Variants in POR observed in about 807,000 individuals in gnomAD.
The protein encoded by POR is cytochrome p450 oxidoreductase, also known as NADPH--cytochrome P450 reductase.
A neutral mutation model predicts 84.0 loss-of-function variants in POR; 56 were observed. The ratio of observed to expected loss-of-function variants is 0.67; its 90% CI spans 0.54 to 0.83. The LOEUF is 0.83. Among genes scored for constraint, POR ranks in the 40% least tolerant of loss-of-function variants. The probability of loss-of-function intolerance (pLI) is 0.00; values close to 1 mark genes in which losing one functional copy is unlikely to be tolerated. For synonymous variants in POR, 414 were observed against 400.5 expected, an observed-to-expected ratio of 1.03 and a Z score of -0.40; for missense variants, 938 against 944.3, an observed-to-expected ratio of 0.99 and a Z score of 0.09.
At position 75,935,537 on chromosome 7, in the gene POR, C is replaced by T. The variant is rs936737783; in HGVS notation, c.-4-18452C>T. ...CTGGGATTATAGGCTTGAGCCACTG[C>T]GCCTGGCTGGAGGGACCGGTTTTTT... On this transcript the variant is annotated intron_variant, in intron 1 of 15. Transcript: ENST00000461988. 1.8e-4 allele frequency among the ~76,000 whole-genome samples: 28 copies of T among 151,574 alleles called. 1 individual carries two copies. The highest frequency in any genetic ancestry group is 1.8e-3 in the East Asian group (9 of 5,082).
At chr7:75,983,702 C>G (rs782722775) in intron 9 of POR, 36 bp from the exon 10 acceptor site, 30 of 1,606,326 alleles carry the variant, frequency 1.9e-5, no homozygotes, top group Middle Eastern at 1.6e-4. Flanking sequence ...GCAGGGCCAG[C>G]CTTCCGCCCC....
intron 3 of POR, among the ~76,000 whole-genome samples, chr7:75,974,880 G>T (rs1435636438): frequency 2.0e-4 from 30 of 151,946 alleles, no homozygotes; most frequent in Admixed American, 1.8e-3. Context: ...CTGCTTTTCT[G>T]TTGGGATTGA....
chr7:75,923,248 T>A, intron 1 of POR: 2 of 1,166,462 alleles, frequency 1.7e-6, no homozygotes, highest in Admixed American at 3.4e-5. Context: ...AAGCTTGGTG[T>A]CTTTTGCTTG....
chr7:75,961,638 C>T (rs1787945901), intron 2 of POR, among the ~76,000 whole-genome samples: 1 of 152,224 alleles, frequency 6.6e-6, no homozygotes, highest in Non-Finnish European at 1.5e-5. Flanking sequence ...TTCCGCTGCC[C>T]CCCACCGCCG....
Position 75,986,741 on chromosome 7 carries a change from A to C in POR, c.*260A>C, listed in dbSNP as rs1283769308. ...GAGGCCTCTGGCCCTCGGTGGCTGC[A>C]CAGAAGGGCTCTTTCTCTCTGCTGA... On this transcript the variant is annotated 3_prime_UTR_variant, in exon 16 of 16. Transcript: ENST00000461988. 1.9e-5 allele frequency: 11 copies of C among 591,630 alleles called. No homozygotes were observed. The highest frequency in any genetic ancestry group is 3.0e-5 in the Non-Finnish European group (10 of 333,804). 36.6% of individuals were successfully genotyped at this position (591,630 alleles called of 1,614,324 possible). A position where few individuals can be genotyped will look rare whatever the true frequency, so the allele number is the denominator to read the frequency against.
chr7:75,918,356 A>T lies in POR; in HGVS notation c.-5+3177A>T, dbSNP rs146157636. Among the ~76,000 whole-genome samples the T allele has an allele frequency of 1.7e-4, 26 of 152,224 alleles. No homozygotes were observed. The East Asian group carries it at 3.1e-3, about 18-fold the overall frequency. ...ACTTGTTTTGCTGTGCAGTTTTGTCATCTGGCATTGGGCAGAAATTTGGAC... is the reference window on the plus strand; with the variant it reads ...ACTTGTTTTGCTGTGCAGTTTTGTCTTCTGGCATTGGGCAGAAATTTGGAC... On this transcript the variant is annotated intron_variant, in intron 1 of 15. Coordinates refer to ENST00000461988, the MANE Select transcript of POR (RefSeq NM_000941.3).
chr7:75,980,905 T>C, intron 5 of POR, 143 bp from the exon 6 acceptor site: 1 of 1,150,762 alleles, frequency 8.7e-7, no homozygotes, highest in Non-Finnish European at 1.2e-6. Flanking sequence ...TTCCTTGCAG[T>C]GCGAGGCGCC....
rs367911219 is a variant in POR, at chr7:75,940,284, G to A, written c.-4-13705G>A. On this transcript the variant is annotated intron_variant, in intron 1 of 15. Transcript: ENST00000461988. ...GTATTTTTAGTAGAGATGGGGTTTC[G>A]CCATGTTGGCCAGGCTGGTCTCAAA... Among the ~76,000 whole-genome samples the A allele has an allele frequency of 8.3e-5, 12 of 145,270 alleles. No individual in the cohort carries two copies. In the South Asian group the frequency reaches 1.1e-3, roughly 13 times the overall value.
rs200575911 is a variant in POR, at chr7:75,933,376, GTTTTTTTTTTTTTTT to G, written c.-5+18213_-5+18227del. Among the ~76,000 whole-genome samples, 647 of 92,104 alleles carry G rather than the reference GTTTTTTTTTTTTTTT, an allele frequency of 7.0e-3. 6 individuals are homozygous for G. Among genetic ancestry groups the G allele is most frequent in the African/African-American group, 0.017 (531 of 30,886 alleles). The allele number at this position is 92,104 out of a possible 152,430, so 60.4% of individuals were successfully genotyped here. A position where few individuals can be genotyped will look rare whatever the true frequency, so the allele number is the denominator to read the frequency against. ...TCACCATGTTATACAATAGGTCTTT[GTTTTTTTTTTTTTTT>G]TTTTTTTTTTTTTTTGAGCGGAGTT... On this transcript the variant is annotated intron_variant, in intron 1 of 15. Transcript: ENST00000461988.
At chr7:75,930,756 A>G (rs1807373096) in intron 1 of POR, among the ~76,000 whole-genome samples, 1 of 152,170 alleles carries the variant, frequency 6.6e-6, no homozygotes, top group Non-Finnish European at 1.5e-5. Flanking sequence ...TCCTGACCTC[A>G]GGTGATCCGC....
At chr7:75,981,955 G>A (rs548817942) in intron 7 of POR, 55 of 557,518 alleles carry the variant, frequency 9.9e-5, no homozygotes, top group African/African-American at 3.2e-4. Context: ...GGTGCTGCCC[G>A]GGCTTCCTTA....
chr7:75,920,937 G>T (rs532422577), intron 1 of POR, among the ~76,000 whole-genome samples: 2 of 152,284 alleles, frequency 1.3e-5, no homozygotes, highest in African/African-American at 2.4e-5. Context: ...TCAGGTATTT[G>T]TGGTCTTGTG....
rs549385228 is a variant in POR, at chr7:75,983,958, G to T, written c.1066+102G>T. 22 of 884,222 alleles carry T rather than the reference G, an allele frequency of 2.5e-5. No homozygotes were observed. The East Asian group carries it at 5.5e-4, about 22-fold the overall frequency. 54.8% of individuals were successfully genotyped at this position (884,222 alleles called of 1,614,324 possible). ...GCTTCTGCTTAGGCCTGAAGCCCCG[G>T]TGCCTGGGAGGCCCTTGCACCGAGA... On this transcript the variant is annotated intron_variant, in intron 10 of 15. Coordinates refer to ENST00000461988, the MANE Select transcript of POR (RefSeq NM_000941.3).
chr7:75,970,370 T>A (rs1020773307), intron 2 of POR, among the ~76,000 whole-genome samples: 2 of 151,174 alleles, frequency 1.3e-5, no homozygotes, highest in Non-Finnish European at 1.5e-5. Context: ...CAGTGAGCTA[T>A]GATCGCACCG....
intron 3 of POR, among the ~76,000 whole-genome samples, chr7:75,976,095 C>T (rs1248890024): frequency 6.6e-6 from 1 of 152,082 alleles, no homozygotes; most frequent in East Asian, 1.9e-4. Context: ...TAGCTTCTGA[C>T]ACATCTCTTA....
At chr7:75,931,341 A>T (rs797038317) in intron 1 of POR, among the ~76,000 whole-genome samples, 52 of 84,872 alleles carry the variant, frequency 6.1e-4, no homozygotes, top group African/African-American at 2.5e-3. Flanking sequence ...GTGTGATTTT[A>T]TTTATTTATT....
chr7:75,939,536 CTTTTTTT>C (rs3043448), intron 1 of POR, among the ~76,000 whole-genome samples: 16 of 126,104 alleles, frequency 1.3e-4, no homozygotes, highest in Non-Finnish European at 1.9e-4. Flanking sequence ...TACTCAACAG[CTTTTTTT>C]TTTTTTTTTT....
intron 1 of POR, among the ~76,000 whole-genome samples, chr7:75,919,382 C>CGTGCGTGTGTGTGTGTGTGT (rs147421179): frequency 9.6e-5 from 14 of 146,530 alleles, no homozygotes; most frequent in African/African-American, 3.3e-4. Context: ...TCTGTGCGTG[C>CGTGCGTGTGTGTGTGTGTGT]GTGTGTGTGT....
At chr7:75,949,860 T>G (rs1178672863) in intron 1 of POR, among the ~76,000 whole-genome samples, 6 of 149,904 alleles carry the variant, frequency 4.0e-5, no homozygotes, top group Non-Finnish European at 8.9e-5. Flanking sequence ...TGACCTGACT[T>G]ACTTTTTTTT....
Sources: allele counts gnomAD v4.1 joint callset (sites outside exome capture counted in the v4.1 genomes callset), GRCh38; gene constraint gnomAD v4.1.1; transcripts MANE v1.5; gene names NCBI Gene and HGNC (gene_info 2026-07-23, HGNC 2026-07-21).